Variants in DAP observed in about 807,000 individuals in gnomAD.
DAP encodes death-associated protein 1.
Under a neutral mutation model 13.8 loss-of-function variants are expected in DAP, and 8 were observed. The observed-to-expected ratio is 0.58, with a 90% CI of 0.34 to 1.05. The LOEUF is 1.05. Ranked by LOEUF, DAP falls within the 50% of genes least tolerant of loss-of-function variation. DAP has a pLI of 0.03. For synonymous variants in DAP, 47 were observed against 47.5 expected (o/e 0.99, Z 0.04); for missense variants, 106 against 133.2 (o/e 0.80, Z 1.01).
At chr5:10,683,201 A>C (rs1337589510) in intron 3 of DAP, 1 of 384,088 alleles carries the variant, frequency 2.6e-6, no homozygotes, top group African/African-American at 2.1e-5. Context: ...GAATGTTCTG[A>C]GAACAGCAGC....
In DAP at chr5:10,683,671, G is replaced by A. The variant is rs371865120; in HGVS notation, c.153-100C>T. On this transcript the variant is annotated intron_variant, in intron 2 of 3. Coordinates refer to ENST00000230895, the MANE Select transcript of DAP (RefSeq NM_004394.3). ...ATGTGGATGAGCCAGGCTGGAGGGCGTGGAGGCAGAATGGGAAGCAAACCT... is the reference window on the plus strand; with the variant it reads ...ATGTGGATGAGCCAGGCTGGAGGGCATGGAGGCAGAATGGGAAGCAAACCT... The A allele has an allele frequency of 7.0e-5, 79 of 1,126,604 alleles. No individual in the cohort carries two copies. The Admixed American group carries it at 7.7e-4, about 11-fold the overall frequency. 69.8% of individuals were successfully genotyped at this position (1,126,604 alleles called of 1,614,324 possible). A position where few individuals can be genotyped will look rare whatever the true frequency, so the allele number is the denominator to read the frequency against.
intron 2 of DAP, among the ~76,000 whole-genome samples, chr5:10,734,450 G>A (rs1186087519): frequency 6.6e-6 from 1 of 152,174 alleles, no homozygotes; most frequent in Admixed American, 6.5e-5. Flanking sequence ...AATCTAAGGA[G>A]TTCAGCCAGG....
intron 2 of DAP, among the ~76,000 whole-genome samples, chr5:10,688,490 AG>A (rs1384681273): frequency 6.6e-6 from 1 of 152,200 alleles, no homozygotes; most frequent in Non-Finnish European, 1.5e-5. Context: ...GAAACCAAAA[AG>A]TTGTGGGACT....
chr5:10,723,083 G>T (rs1739200155), intron 2 of DAP, among the ~76,000 whole-genome samples: 1 of 152,188 alleles, frequency 6.6e-6, no homozygotes. Context: ...AATATAGACA[G>T]ATATGCCTTA....
intron 2 of DAP, among the ~76,000 whole-genome samples, chr5:10,725,003 A>AC (rs1045761280): frequency 1.3e-5 from 2 of 151,192 alleles, no homozygotes; most frequent in Non-Finnish European, 2.9e-5. Flanking sequence ...CTGACCCAAC[A>AC]CCCCATGGGC....
At chr5:10,708,132 A>G (rs972751752) in intron 2 of DAP, among the ~76,000 whole-genome samples, 1 of 152,220 alleles carries the variant, frequency 6.6e-6, no homozygotes, top group Non-Finnish European at 1.5e-5. Context: ...ATAAACTGAA[A>G]TGACCACTTT....
intron 2 of DAP, among the ~76,000 whole-genome samples, chr5:10,688,130 GGTC>G (rs1738202383): frequency 6.6e-6 from 1 of 151,986 alleles, no homozygotes; most frequent in East Asian, 1.9e-4. Flanking sequence ...TTGCCAGGCT[GGTC>G]TCGAACTCCT....
chr5:10,684,596 G>A (rs1431864947), intron 2 of DAP, among the ~76,000 whole-genome samples: 1 of 152,196 alleles, frequency 6.6e-6, no homozygotes, highest in Admixed American at 6.5e-5. Flanking sequence ...AGATGTACGT[G>A]CTTGTCTTCT....
At chr5:10,691,716 T>TA (rs1159838237) in intron 2 of DAP, among the ~76,000 whole-genome samples, 2 of 152,210 alleles carry the variant, frequency 1.3e-5, no homozygotes, top group Admixed American at 6.5e-5. Context: ...TTCCAGACTT[T>TA]AAAAACTACA....
intron 2 of DAP, among the ~76,000 whole-genome samples, chr5:10,712,374 T>C (rs1487594348): frequency 6.6e-6 from 1 of 151,914 alleles, no homozygotes; most frequent in Non-Finnish European, 1.5e-5. Flanking sequence ...AGAATTCGGA[T>C]GGGGGAAGCT....
At chr5:10,683,739 G>A (rs577152702) in intron 2 of DAP, among the ~76,000 whole-genome samples, 168 bp from the exon 3 acceptor site, 7 of 152,178 alleles carry the variant, frequency 4.6e-5, no homozygotes, top group Admixed American at 2.6e-4. Flanking sequence ...TACGGGGCTC[G>A]GGAGCCTCCT....
At chr5:10,694,111 G>A (rs1738375696) in intron 2 of DAP, among the ~76,000 whole-genome samples, 4 of 152,054 alleles carry the variant, frequency 2.6e-5, no homozygotes, top group Admixed American at 2.6e-4. Flanking sequence ...CTGTTCCTCA[G>A]TCTCGGGAAC....
chr5:10,688,365 GAATTTTTA>G (rs1316099657), intron 2 of DAP, among the ~76,000 whole-genome samples: 2 of 152,128 alleles, frequency 1.3e-5, no homozygotes, highest in African/African-American at 2.4e-5. Context: ...TTAGCATACA[GAATTTTTA>G]AATTTTTAAA....
chr5:10,708,307 G>T (rs1738750571), intron 2 of DAP, among the ~76,000 whole-genome samples: 1 of 151,610 alleles, frequency 6.6e-6, no homozygotes, highest in South Asian at 2.1e-4. Flanking sequence ...CACACACATA[G>T]AGACACACAG....
chr5:10,748,989 T>C (rs540501944), intron 1 of DAP, among the ~76,000 whole-genome samples: 1 of 152,280 alleles, frequency 6.6e-6, no homozygotes, highest in East Asian at 1.9e-4. Context: ...TTACCCTCCA[T>C]TCCACCCCTC....
intron 2 of DAP, among the ~76,000 whole-genome samples, chr5:10,742,942 CATCCATCCATCT>C (rs1287724433): frequency 6.6e-6 from 1 of 152,134 alleles, no homozygotes; most frequent in Non-Finnish European, 1.5e-5. Context: ...TCCATCCATC[CATCCATCCATCT>C]ATCCATTCAG....
At chr5:10,734,138 T>C (rs568515491) in intron 2 of DAP, 1 of 152,362 alleles carries the variant, frequency 6.6e-6, no homozygotes, top group South Asian at 2.1e-4. Flanking sequence ...ATGACTGCAG[T>C]GCAGACACAC....
At chr5:10,732,048 C>T (rs982577275) in intron 2 of DAP, among the ~76,000 whole-genome samples, 1 of 152,216 alleles carries the variant, frequency 6.6e-6, no homozygotes, top group Non-Finnish European at 1.5e-5. Context: ...GTCCTGATGT[C>T]CCTGAGGAGT....
chr5:10,683,507 C>A (rs1182522786), intron 3 of DAP, 22 bp downstream of exon 3: 16 of 1,613,498 alleles, frequency 9.9e-6, no homozygotes, highest in Admixed American at 1.7e-5. Context: ...CTCAAACCCA[C>A]CGCAGACACT....
Sources: gnomAD v4.1 joint callset for allele counts (sites outside exome capture counted in the v4.1 genomes callset) on GRCh38, gnomAD v4.1.1 for gene constraint, MANE v1.5 for transcripts, NCBI Gene and HGNC (gene_info 2026-07-23, HGNC 2026-07-21) for gene names.